Variants in STYXL2 observed in about 807,000 individuals in gnomAD.
STYXL2 encodes serine/threonine/tyrosine-interacting-like protein 2.
In STYXL2, 44 loss-of-function variants were observed where a neutral mutation model predicts 52.4. That is an observed-to-expected ratio of 0.84 (90% CI 0.66 to 1.08). The LOEUF is 1.08. STYXL2 is among the 50% of genes least tolerant of loss of function. The probability of loss-of-function intolerance (pLI) is 0.00; values close to 1 mark genes in which losing one functional copy is unlikely to be tolerated. For missense variants in STYXL2, 1,604 were observed against 1,471.7 expected (o/e 1.09, Z -1.47); for synonymous variants, 604 against 586.9 (o/e 1.03, Z -0.42).
At chr1:167,118,613 C>G (rs952116020) in intron 4 of STYXL2, among the ~76,000 whole-genome samples, 2 of 152,210 alleles carry the variant, frequency 1.3e-5, no homozygotes, top group Admixed American at 6.5e-5. Flanking sequence ...CCTTCTCGGA[C>G]AACCTGTCCT....
In STYXL2 at chr1:167,117,649, G is replaced by A. The variant is rs146929565; in HGVS notation, c.437+90G>A. ...AACTCCCCCAACTTTCACCAAAGGC[G>A]CCCATAGGTCCATCCAGCACAATGA... On this transcript the variant is annotated intron_variant, in intron 4 of 5. Coordinates refer to ENST00000361200, the MANE Select transcript of STYXL2 (RefSeq NM_001080426.3). 3.0e-4 allele frequency: 370 copies of A among 1,224,062 alleles called. 2 individuals are homozygous for A. The African/African-American group carries it at 4.9e-3, about 16-fold the overall frequency. The allele number at this position is 1,224,062 out of a possible 1,614,324, so 75.8% of individuals were successfully genotyped here.
rs192780468 is a variant in STYXL2 at position 167,103,099 on chromosome 1, T to C, written c.110+8140T>C. 3.3e-5 allele frequency among the ~76,000 whole-genome samples: 5 copies of C among 152,334 alleles called. No homozygotes were observed. The East Asian group carries it at 7.7e-4, about 24-fold the overall frequency. On this transcript the variant is annotated intron_variant, in intron 2 of 5. Coordinates refer to ENST00000361200, the MANE Select transcript of STYXL2 (RefSeq NM_001080426.3). ...CTGTTGGCTACGGGCGTTTCTTGCA[T>C]TGTGGCAGCATAATTCCAATCTCTG... is the stretch of plus-strand genomic sequence containing the variant.
chr1:167,124,086 G>GA (rs1006431027), intron 5 of STYXL2, among the ~76,000 whole-genome samples: 2 of 150,834 alleles, frequency 1.3e-5, no homozygotes, highest in Admixed American at 6.6e-5. Flanking sequence ...TTTTGTTTTT[G>GA]TTTTTTTTAG....
intron 2 of STYXL2, among the ~76,000 whole-genome samples, chr1:167,098,497 C>A (rs1015217627): frequency 2.6e-5 from 4 of 152,110 alleles, no homozygotes; most frequent in African/African-American, 9.7e-5. Context: ...TAAGGATATA[C>A]AAAAGTTAAC....
intron 3 of STYXL2, among the ~76,000 whole-genome samples, 158 bp from the exon 4 acceptor site, chr1:167,117,170 C>A (rs150980058): frequency 1.8e-4 from 28 of 152,290 alleles, no homozygotes; most frequent in Middle Eastern, 3.4e-3. Flanking sequence ...CAGCAGGTAC[C>A]CTGGGCCCAA....
Position 167,128,815 on chromosome 1 carries a change from G to T in STYXL2, c.*207G>T. ...GGGAGAACCATCAATACGAATACGA[G>T]GTCCGAATGCGGACCAACTGATACC... On this transcript the variant is annotated 3_prime_UTR_variant, in exon 6 of 6. Coordinates refer to ENST00000361200, the MANE Select transcript of STYXL2 (RefSeq NM_001080426.3). 2.6e-6 allele frequency: 2 copies of T among 758,504 alleles called. No individual in the cohort carries two copies. The highest frequency in any genetic ancestry group is 2.0e-5 in the South Asian group (1 of 49,350). The allele number at this position is 758,504 out of a possible 1,614,324, so 47.0% of individuals were successfully genotyped here. A position where few individuals can be genotyped will look rare whatever the true frequency, so the allele number is the denominator to read the frequency against.
Position 167,094,844 on chromosome 1 carries a change from G to C in STYXL2, c.-6G>C, listed in dbSNP as rs775199326. On this transcript the variant is annotated 5_prime_UTR_variant, in exon 2 of 6. Coordinates refer to ENST00000361200, the MANE Select transcript of STYXL2 (RefSeq NM_001080426.3). ...TTGCCAAACTTTCAGAGGTTGGCAGGTTGTCATGGCGACCAGAAAGGACAC... is the reference window on the plus strand; with the variant it reads ...TTGCCAAACTTTCAGAGGTTGGCAGCTTGTCATGGCGACCAGAAAGGACAC... 1.2e-6 allele frequency: 2 copies of C among 1,611,596 alleles called. No homozygotes were observed. Among genetic ancestry groups the C allele is most frequent in the Non-Finnish European group, 1.7e-6 (2 of 1,178,982 alleles).
At position 167,096,422 on chromosome 1, in the gene STYXL2, T is replaced by TGCTA. The variant is rs138039066; in HGVS notation, c.110+1468_110+1471dup. ...CAGTTTCGTGTATTGCTAAGAGTAA[T>TGCTA]GCTAGCTATTATATCTAAAGGACAT... On this transcript the variant is annotated intron_variant, in intron 2 of 5. Transcript: ENST00000361200. Among the ~76,000 whole-genome samples, 516 of 152,240 alleles carry TGCTA rather than the reference T, an allele frequency of 3.4e-3. 2 individuals carry two copies. Among genetic ancestry groups the TGCTA allele is most frequent in the South Asian group, 5.8e-3 (28 of 4,822 alleles).
chr1:167,107,630 T>C (rs1018392367), intron 2 of STYXL2, among the ~76,000 whole-genome samples: 2 of 152,196 alleles, frequency 1.3e-5, no homozygotes, highest in South Asian at 2.1e-4. Flanking sequence ...TATAGTTCTA[T>C]TGAAGACATA....
At chr1:167,096,847 C>T (rs917217120) in intron 2 of STYXL2, among the ~76,000 whole-genome samples, 4 of 152,214 alleles carry the variant, frequency 2.6e-5, no homozygotes, top group African/African-American at 9.7e-5. Context: ...TTTACTGCCT[C>T]CTAAGTGAGG....
Position 167,126,726 on chromosome 1 carries a change from A to G in STYXL2, c.1595A>G (p.Asn532Ser), listed in dbSNP as rs867199989. ...SVGSEASSFY[N>S]FCSRNKDKLT... Reference sequence around the variant, plus strand: ...GGCTCTGAGGCCAGTTCCTTCTACAACTTCTGCAGCAGGAACAAGGACAAG... The same window carrying G: ...GGCTCTGAGGCCAGTTCCTTCTACAGCTTCTGCAGCAGGAACAAGGACAAG... Residue 532 changes from asparagine (N) to serine (S), a missense_variant, in exon 6 of 6, where the codon AAC becomes AGC. Transcript: ENST00000361200. 8.1e-6 allele frequency: 13 copies of G among 1,614,038 alleles called. No homozygotes were observed. Among genetic ancestry groups the G allele is most frequent in the Middle Eastern group, 1.6e-4 (1 of 6,084 alleles).
At chr1:167,109,268 C>A (rs1257636664) in intron 2 of STYXL2, among the ~76,000 whole-genome samples, 1 of 152,202 alleles carries the variant, frequency 6.6e-6, no homozygotes, top group Non-Finnish European at 1.5e-5. Context: ...GCTTTCTCCT[C>A]AGGGAGGCTT....
At chr1:167,116,787 G>A (rs1667733380) in intron 3 of STYXL2, among the ~76,000 whole-genome samples, 1 of 151,864 alleles carries the variant, frequency 6.6e-6, no homozygotes, top group Non-Finnish European at 1.5e-5. Flanking sequence ...AAGTAGCTGG[G>A]ATTACAGGCA....
At chr1:167,096,383 G>C (rs1667285592) in intron 2 of STYXL2, among the ~76,000 whole-genome samples, 2 of 152,312 alleles carry the variant, frequency 1.3e-5, no homozygotes, top group Admixed American at 1.3e-4. Flanking sequence ...TTCGTGTGTG[G>C]TTGGGATAGG....
chr1:167,123,189 AACAGAGAAGAC>A (rs1667893497), intron 5 of STYXL2, among the ~76,000 whole-genome samples: 1 of 152,212 alleles, frequency 6.6e-6, no homozygotes, highest in African/African-American at 2.4e-5. Context: ...GCCTGCCTCT[AACAGAGAAGAC>A]AGAAAATCCT....
chr1:167,121,993 G>A (rs1323097364), intron 5 of STYXL2, among the ~76,000 whole-genome samples: 2 of 152,196 alleles, frequency 1.3e-5, no homozygotes, highest in African/African-American at 4.8e-5. Context: ...AGACTTGGGA[G>A]TCAGTTCTTG....
At chr1:167,105,009 T>C (rs1396264315) in intron 2 of STYXL2, among the ~76,000 whole-genome samples, 2 of 150,386 alleles carry the variant, frequency 1.3e-5, no homozygotes, top group African/African-American at 5.0e-5. Context: ...CTCAGAGATA[T>C]ATACACATAT....
Position 167,117,525 on chromosome 1 carries a change from G to C in STYXL2, c.403G>C (p.Asp135His), listed in dbSNP as rs1667754723. 4 of 1,607,688 alleles carry C rather than the reference G, an allele frequency of 2.5e-6. No individual in the cohort carries two copies. ...DRQEAPWNEV[D>H]EVWPNVFIAE... is the part of the protein sequence containing the mutation. Reference sequence around the variant, plus strand: ...CCAAGAGGCGCCCTGGAATGAGGTGGATGAGGTCTGGCCCAATGTCTTCAT... The same window carrying C: ...CCAAGAGGCGCCCTGGAATGAGGTGCATGAGGTCTGGCCCAATGTCTTCAT... Residue 135 changes from aspartate to histidine, a missense_variant, in exon 4 of 6, where the codon GAT becomes CAT. Transcript: ENST00000361200.
intron 5 of STYXL2, among the ~76,000 whole-genome samples, chr1:167,125,318 G>C (rs576718862): frequency 6.6e-6 from 1 of 152,284 alleles, no homozygotes; most frequent in South Asian, 2.1e-4. Flanking sequence ...CCTGTCACTG[G>C]AAGCATTCAG....
Sources: allele counts gnomAD v4.1 joint callset (sites outside exome capture counted in the v4.1 genomes callset), GRCh38; gene constraint gnomAD v4.1.1; transcripts MANE v1.5; gene names NCBI Gene and HGNC (gene_info 2026-07-23, HGNC 2026-07-21).